The following SORCS1 variants were observed in gnomAD, a reference collection of about 807,000 sequenced individuals.
SORCS1 encodes the protein VPS10 domain-containing receptor SorCS1.
Under a neutral mutation model 146.1 loss-of-function variants are expected in SORCS1, and 60 were observed. The observed-to-expected ratio is 0.41, with a 90% CI of 0.33 to 0.51. The LOEUF is 0.51. SORCS1 is among the 20% of genes least tolerant of loss of function. The pLI, the probability that SORCS1 is intolerant of heterozygous loss-of-function variation, is 0.21. For synonymous variants in SORCS1, 637 were observed against 584.0 expected (o/e 1.09, Z -1.31); for missense variants, 1,352 against 1,487.6 (o/e 0.91, Z 1.50).
rs1473621433 is a variant in SORCS1, at chr10:106,833,314, A to G, written c.627-3641T>C. On this transcript the variant is annotated intron_variant, in intron 2 of 25. Coordinates refer to ENST00000263054, the MANE Select transcript of SORCS1 (RefSeq NM_052918.5). The stretch of plus-strand genomic sequence containing the variant: ...TATTTAAACATCATGGCTTTGTAAT[A>G]AGCAATTGATAGAGAGAAAATGATG... Among the ~76,000 whole-genome samples the G allele has an allele frequency of 2.0e-5, 3 of 152,314 alleles. No homozygotes were observed. In the East Asian group the frequency reaches 5.8e-4, roughly 29 times the overall value.
chr10:107,053,190 C>A (rs1471355354), intron 1 of SORCS1, among the ~76,000 whole-genome samples: 1 of 152,156 alleles, frequency 6.6e-6, no homozygotes, highest in African/African-American at 2.4e-5. Flanking sequence ...TATTTAAACT[C>A]TTTAATTGTG....
At chr10:106,780,829 C>T (rs1860831953) in intron 3 of SORCS1, among the ~76,000 whole-genome samples, 1 of 152,108 alleles carries the variant, frequency 6.6e-6, no homozygotes, top group South Asian at 2.1e-4. Context: ...CATAGAAAGT[C>T]AATAATGGCA....
intron 9 of SORCS1, among the ~76,000 whole-genome samples, chr10:106,694,041 T>A (rs1245872303): frequency 6.6e-6 from 1 of 152,162 alleles, no homozygotes; most frequent in Non-Finnish European, 1.5e-5. Flanking sequence ...AACATATTCA[T>A]GGCCACAATT....
At chr10:106,938,236 GTA>G (rs1014898894) in intron 2 of SORCS1, among the ~76,000 whole-genome samples, 3 of 152,146 alleles carry the variant, frequency 2.0e-5, no homozygotes, top group Non-Finnish European at 4.4e-5. Flanking sequence ...CTGCTCTAGT[GTA>G]CAGGCCTATT....
intron 2 of SORCS1, among the ~76,000 whole-genome samples, chr10:106,946,148 T>C (rs1222655932): frequency 1.3e-5 from 2 of 152,182 alleles, no homozygotes; most frequent in Non-Finnish European, 2.9e-5. Context: ...AAATTTAGGA[T>C]AGAAACAAGT....
At chr10:106,725,455 G>A (rs1175940843) in intron 6 of SORCS1, among the ~76,000 whole-genome samples, 2 of 151,930 alleles carry the variant, frequency 1.3e-5, no homozygotes, top group African/African-American at 4.8e-5. Flanking sequence ...GGAGGCTGAG[G>A]CAGGAGAATC....
intron 1 of SORCS1, among the ~76,000 whole-genome samples, chr10:106,994,381 A>G (rs927702320): frequency 3.3e-5 from 5 of 152,208 alleles, no homozygotes; most frequent in Admixed American, 3.3e-4. Context: ...AGTATATGTT[A>G]CTATTCAGTA....
intron 2 of SORCS1, among the ~76,000 whole-genome samples, chr10:106,905,287 G>T (rs1444723051): frequency 6.6e-6 from 1 of 152,082 alleles, no homozygotes; most frequent in Non-Finnish European, 1.5e-5. Context: ...AGAAAATTAA[G>T]TTGGAGAAGG....
chr10:106,931,892 T>C (rs1292369059), intron 2 of SORCS1, among the ~76,000 whole-genome samples: 1 of 152,074 alleles, frequency 6.6e-6, no homozygotes, highest in Non-Finnish European at 1.5e-5. Flanking sequence ...AAAAGGGTAA[T>C]AGGAGATAAA....
At chr10:107,059,633 T>G (rs184232145) in intron 1 of SORCS1, among the ~76,000 whole-genome samples, 1 of 152,174 alleles carries the variant, frequency 6.6e-6, no homozygotes, top group Non-Finnish European at 1.5e-5. Context: ...AGCTCTGCTC[T>G]TGTAAAGAAT....
intron 1 of SORCS1, among the ~76,000 whole-genome samples, chr10:107,126,642 A>C (rs1290750858): frequency 6.6e-6 from 1 of 152,104 alleles, no homozygotes; most frequent in Non-Finnish European, 1.5e-5. Flanking sequence ...GTCTGTCTCC[A>C]TGTCATCAGC....
chr10:106,808,308 G>A (rs1311242896), intron 3 of SORCS1, among the ~76,000 whole-genome samples: 4 of 152,138 alleles, frequency 2.6e-5, no homozygotes, highest in East Asian at 1.9e-4. Context: ...GTAAGCCACC[G>A]CACCTGGCCC....
In SORCS1 at chr10:106,777,966, G is replaced by C. The variant is rs571634980; in HGVS notation, c.727-1274C>G. Among the ~76,000 whole-genome samples the C allele has an allele frequency of 6.6e-5, 10 of 152,294 alleles. No homozygotes were observed. In the South Asian group the frequency reaches 1.9e-3, roughly 28 times the overall value. On this transcript the variant is annotated intron_variant, in intron 3 of 25. Transcript: ENST00000263054. Reference sequence around the variant, plus strand: ...GCAGCCCAAGGATTAAAGATTACCAGCTGAGGATGCTGCACTTCCAAGAAA... The same window carrying C: ...GCAGCCCAAGGATTAAAGATTACCACCTGAGGATGCTGCACTTCCAAGAAA...
At chr10:107,084,092 GTTTT>G (rs34590427) in intron 1 of SORCS1, among the ~76,000 whole-genome samples, 2 of 113,806 alleles carry the variant, frequency 1.8e-5, no homozygotes, top group Admixed American at 1.8e-4. Flanking sequence ...GTTGTTTTTT[GTTTT>G]TTTTTTTTTT....
chr10:106,963,109 A>AGTTTTTTTT, intron 1 of SORCS1, among the ~76,000 whole-genome samples: 2 of 62,036 alleles, frequency 3.2e-5, no homozygotes, highest in Non-Finnish European at 3.8e-5. Flanking sequence ...CAATGGCCAG[A>AGTTTTTTTT]ATTTTTTTTT....
chr10:106,773,292 G>A (rs2136340316), intron 4 of SORCS1, among the ~76,000 whole-genome samples: 1 of 152,304 alleles, frequency 6.6e-6, no homozygotes, highest in South Asian at 2.1e-4. Flanking sequence ...ACCAGCACAT[G>A]GTCCTCCTTG....
chr10:107,009,681 T>TA (rs1489769306), intron 1 of SORCS1, among the ~76,000 whole-genome samples: 5 of 152,190 alleles, frequency 3.3e-5, no homozygotes, highest in African/African-American at 1.2e-4. Context: ...ACGCAAGATT[T>TA]AAAAACATAT....
chr10:107,131,397 T>G (rs1018776049), intron 1 of SORCS1, among the ~76,000 whole-genome samples: 4 of 152,196 alleles, frequency 2.6e-5, no homozygotes, highest in Non-Finnish European at 1.5e-5. Context: ...CTGCAGACCA[T>G]CTCTTGGATG....
At chr10:107,106,152 A>G (rs1490503649) in intron 1 of SORCS1, among the ~76,000 whole-genome samples, 3 of 152,224 alleles carry the variant, frequency 2.0e-5, no homozygotes, top group African/African-American at 4.8e-5. Flanking sequence ...AATATTCTCA[A>G]AATTCTGAAT....
Sources: gnomAD v4.1 joint callset for allele counts (sites outside exome capture counted in the v4.1 genomes callset) on GRCh38, gnomAD v4.1.1 for gene constraint, MANE v1.5 for transcripts, NCBI Gene and HGNC (gene_info 2026-07-23, HGNC 2026-07-21) for gene names.